Variants in ANO6 observed in about 807,000 individuals in gnomAD.
ANO6 encodes the protein anoctamin 6.
Under a neutral mutation model 117.5 loss-of-function variants are expected in ANO6, and 106 were observed. The observed-to-expected ratio is 0.90, with a 90% CI of 0.77 to 1.06. The LOEUF (loss-of-function observed/expected upper bound fraction) is 1.06, where lower values mean the gene tolerates loss of function less well. ANO6 is among the 50% of genes least tolerant of loss of function. ANO6 has a pLI of 0.00. For synonymous variants in ANO6, 367 were observed against 385.1 expected, an observed-to-expected ratio of 0.95 and a Z score of 0.55; for missense variants, 955 against 1,121.1, an observed-to-expected ratio of 0.85 and a Z score of 2.12.
intron 10 of ANO6, among the ~76,000 whole-genome samples, chr12:45,379,225 C>T (rs1053905532): frequency 2.6e-5 from 4 of 152,188 alleles, no homozygotes; most frequent in South Asian, 2.1e-4. Flanking sequence ...CAGTTATTTA[C>T]GGTGTCCTCA....
chr12:45,347,388 A>G, intron 4 of ANO6: 1 of 373,454 alleles, frequency 2.7e-6, no homozygotes, highest in Non-Finnish European at 4.8e-6. Context: ...TTTATGGTAA[A>G]AAATTAGAAA....
At chr12:45,328,948 G>A (rs1038370105) in intron 2 of ANO6, among the ~76,000 whole-genome samples, 7 of 152,214 alleles carry the variant, frequency 4.6e-5, no homozygotes, top group African/African-American at 1.7e-4. Flanking sequence ...CATCCTGCTA[G>A]GCGTAAAGGT....
intron 1 of ANO6, among the ~76,000 whole-genome samples, chr12:45,232,528 A>G (rs1267974307): frequency 6.6e-6 from 1 of 152,222 alleles, no homozygotes; most frequent in Non-Finnish European, 1.5e-5. Context: ...TATTTTTATA[A>G]TTCTAAAAAT....
chr12:45,411,295 C>A (rs138118294), intron 16 of ANO6, among the ~76,000 whole-genome samples: 1,545 of 152,272 alleles, frequency 0.01, 22 homozygotes, highest in African/African-American at 0.034. Context: ...AATTCTGCCT[C>A]ATCCTGCCCT....
At chr12:45,386,450 A>G (rs937766905) in intron 10 of ANO6, among the ~76,000 whole-genome samples, 6 of 152,208 alleles carry the variant, frequency 3.9e-5, no homozygotes, top group African/African-American at 1.2e-4. Context: ...ACTAGAATTT[A>G]GGATATTGCC....
intron 10 of ANO6, among the ~76,000 whole-genome samples, chr12:45,385,429 G>T (rs1942272538): frequency 6.6e-6 from 1 of 152,178 alleles, no homozygotes; most frequent in Non-Finnish European, 1.5e-5. Context: ...AGAGTCCTCT[G>T]TTGATGGAGA....
intron 2 of ANO6, among the ~76,000 whole-genome samples, chr12:45,325,694 A>G (rs1372444549): frequency 6.6e-6 from 1 of 152,134 alleles, no homozygotes; most frequent in Non-Finnish European, 1.5e-5. Context: ...TTGACTATTT[A>G]TTGTTCTGCT....
chr12:45,386,290 G>C (rs555872366), intron 10 of ANO6, among the ~76,000 whole-genome samples: 26 of 152,256 alleles, frequency 1.7e-4, no homozygotes, highest in African/African-American at 6.3e-4. Flanking sequence ...TCTCAATCCA[G>C]ATCTTCCTCC....
chr12:45,258,108 A>G (rs1248316585), intron 1 of ANO6, among the ~76,000 whole-genome samples: 1 of 152,218 alleles, frequency 6.6e-6, no homozygotes, highest in African/African-American at 2.4e-5. Flanking sequence ...TATTAAATAC[A>G]TATTAATCAG....
At chr12:45,263,947 G>A (rs951067258) in intron 1 of ANO6, among the ~76,000 whole-genome samples, 9 of 152,034 alleles carry the variant, frequency 5.9e-5, no homozygotes, top group African/African-American at 1.5e-4. Context: ...TCTGTTCATC[G>A]TCTAAACAAA....
chr12:45,292,872 T>C, intron 1 of ANO6: 1 of 1,550,444 alleles, frequency 6.4e-7, no homozygotes, highest in South Asian at 1.2e-5. Flanking sequence ...GTAAGAAGCG[T>C]CAAGGACTCA....
intron 1 of ANO6, among the ~76,000 whole-genome samples, chr12:45,271,039 T>C (rs1296164639): frequency 6.6e-6 from 1 of 152,196 alleles, no homozygotes; most frequent in African/African-American, 2.4e-5. Flanking sequence ...ATTTCTTACC[T>C]GTCTATGGCT....
chr12:45,331,418 CA>C lies in ANO6; in HGVS notation c.277del (p.Arg93GlyfsTer18), dbSNP rs777084769. On this transcript the variant is annotated frameshift_variant, in exon 3 of 20. Transcript: ENST00000320560. LOFTEE classifies it high-confidence loss of function. The stretch of plus-strand genomic sequence containing the variant: ...CAATAAAAAGGGTACAAATGAAAAA[CA>C]AAGGGTAAGTTTTTATGCTATTTTC... ...ETNKKGTNEK[Q>X]RRKRQAYESN... 1.2e-6 allele frequency: 2 copies of C among 1,602,312 alleles called. No individual in the cohort carries two copies. Among genetic ancestry groups the C allele is most frequent in the Admixed American group, 3.4e-5 (2 of 59,118 alleles).
chr12:45,317,136 T>TATATATATATGTATATATATATA (rs1940070455), intron 2 of ANO6, among the ~76,000 whole-genome samples: 1 of 108,958 alleles, frequency 9.2e-6, no homozygotes, highest in Non-Finnish European at 2.1e-5. Flanking sequence ...TATATATTTA[T>TATATATATATGTATATATATATA]TATACTTTAA....
intron 1 of ANO6, among the ~76,000 whole-genome samples, chr12:45,267,800 T>A (rs1353454586): frequency 2.6e-5 from 4 of 151,886 alleles, no homozygotes; most frequent in Admixed American, 6.6e-5. Context: ...TCAAAAAAAA[T>A]AGCACTTACT....
At chr12:45,347,362 G>A in intron 4 of ANO6, 3 of 412,354 alleles carry the variant, frequency 7.3e-6, no homozygotes, top group South Asian at 6.5e-5. Flanking sequence ...AAGCTTTTTT[G>A]TTATACAAAA....
chr12:45,244,413 G>GC (rs1555159900), intron 1 of ANO6, among the ~76,000 whole-genome samples: 10 of 147,384 alleles, frequency 6.8e-5, no homozygotes, highest in South Asian at 4.6e-4. Context: ...TGGGGGGGGG[G>GC]GGTGGTCTGT....
chr12:45,270,028 G>C (rs1364457106), intron 1 of ANO6, among the ~76,000 whole-genome samples: 2 of 152,128 alleles, frequency 1.3e-5, no homozygotes, highest in East Asian at 1.9e-4. Context: ...CCTCCACTGG[G>C]ATTTCTAAAA....
intron 1 of ANO6, among the ~76,000 whole-genome samples, chr12:45,280,881 G>T (rs10625595): frequency 0.19 from 15,155 of 81,348 alleles, 1,956 homozygotes; most frequent in African/African-American, 0.39. Flanking sequence ...TATATATATA[G>T]AGAGAGAGAG....
Sources: allele counts gnomAD v4.1 joint callset (sites outside exome capture counted in the v4.1 genomes callset), GRCh38; gene constraint gnomAD v4.1.1; transcripts MANE v1.5; gene names NCBI Gene and HGNC (gene_info 2026-07-23, HGNC 2026-07-21).